RPH3AL: variants seen among roughly 807,000 people sequenced by gnomAD.
RPH3AL encodes rab effector Noc2.
RPH3AL carries 38 observed loss-of-function variants against 43.1 expected under a neutral mutation model. That is an observed-to-expected ratio of 0.88 (90% CI 0.68 to 1.15). The LOEUF (loss-of-function observed/expected upper bound fraction) is 1.15. Ranked by LOEUF, RPH3AL falls within the 50% of genes most tolerant of loss-of-function variation. RPH3AL has a pLI of 0.00. For missense variants in RPH3AL, 462 were observed against 423.2 expected (o/e 1.09, Z -0.81); for synonymous variants, 189 against 176.3 (o/e 1.07, Z -0.57).
chr17:228,126 G>C (rs936481349), intron 7 of RPH3AL, among the ~76,000 whole-genome samples: 1 of 152,198 alleles, frequency 6.6e-6, no homozygotes, highest in Non-Finnish European at 1.5e-5. Flanking sequence ...CCTGGGGTGG[G>C]GGAGTCACCG....
chr17:280,694 T>C (rs1237397306), intron 6 of RPH3AL, among the ~76,000 whole-genome samples: 1 of 152,116 alleles, frequency 6.6e-6, no homozygotes, highest in Non-Finnish European at 1.5e-5. Context: ...AAGGAAAGAC[T>C]TAGTGACTTG....
chr17:229,880 G>A (rs1452144355), intron 7 of RPH3AL, among the ~76,000 whole-genome samples: 1 of 152,188 alleles, frequency 6.6e-6, no homozygotes, highest in East Asian at 1.9e-4. Context: ...CTTAGGGAGG[G>A]GTCCACTGGC....
chr17:293,705 A>C (rs7502760), intron 5 of RPH3AL, among the ~76,000 whole-genome samples: 53,866 of 152,042 alleles, frequency 0.35, 10,772 homozygotes, highest in African/African-American at 0.55. Context: ...GGGATGGCTA[A>C]ATCAGAAGGT....
chr17:282,028 G>C (rs1314133210), intron 5 of RPH3AL, among the ~76,000 whole-genome samples, 174 bp from the exon 6 acceptor site: 1 of 152,138 alleles, frequency 6.6e-6, no homozygotes, highest in East Asian at 1.9e-4. Flanking sequence ...TCCTTAGTTG[G>C]CTTTGGACGT....
At chr17:324,544 C>A (rs1004838316) in intron 3 of RPH3AL, among the ~76,000 whole-genome samples, 1 of 152,196 alleles carries the variant, frequency 6.6e-6, no homozygotes, top group Non-Finnish European at 1.5e-5. Context: ...CGTCTCTCAG[C>A]TCACCAGTGG....
chr17:347,556 CCTGGG>C (rs2045262691), intron 1 of RPH3AL, among the ~76,000 whole-genome samples: 1 of 151,774 alleles, frequency 6.6e-6, no homozygotes. Flanking sequence ...CACACTCCAG[CCTGGG>C]TGACAGAGCA....
At chr17:273,088 A>G (rs1222089189) in intron 6 of RPH3AL, among the ~76,000 whole-genome samples, 112 of 133,002 alleles carry the variant, frequency 8.4e-4, no homozygotes, top group African/African-American at 1.4e-3. Context: ...GAGAGACCCC[A>G]GCGAGGGTGA....
chr17:298,291 G>C (rs62053674), intron 5 of RPH3AL, among the ~76,000 whole-genome samples: 23,845 of 152,002 alleles, frequency 0.16, 2,170 homozygotes, highest in Middle Eastern at 0.24. Flanking sequence ...CTCAGGGGTA[G>C]AGCACCGGCC....
chr17:317,100 C>A (rs1567515376), intron 5 of RPH3AL, among the ~76,000 whole-genome samples: 1 of 150,388 alleles, frequency 6.6e-6, no homozygotes, highest in Non-Finnish European at 1.5e-5. Flanking sequence ...CTCCAGTGAC[C>A]TGTAGTCCCT....
chr17:245,952 G>A lies in RPH3AL; in HGVS notation c.613+1159C>T, dbSNP rs1049432044. ...GTACGCAGCATCCGGTAGGACCAGCGAGGAGAGGCTGCTATGAGGGAGTCG... is the reference window on the plus strand; with the variant it reads ...GTACGCAGCATCCGGTAGGACCAGCAAGGAGAGGCTGCTATGAGGGAGTCG... On this transcript the variant is annotated intron_variant, in intron 7 of 9. Transcript: ENST00000331302. The surrounding 1 kb of genome is among the most constrained non-coding windows in gnomAD (Gnocchi z 5.9). 1.3e-5 allele frequency among the ~76,000 whole-genome samples: 2 copies of A among 152,190 alleles called. No homozygotes were observed. Among genetic ancestry groups the A allele is most frequent in the Admixed American group, 6.5e-5 (1 of 15,286 alleles).
intron 7 of RPH3AL, among the ~76,000 whole-genome samples, chr17:222,714 C>T (rs1211325981): frequency 6.6e-6 from 1 of 152,212 alleles, no homozygotes; most frequent in African/African-American, 2.4e-5. Context: ...GTATAAACTG[C>T]ACCCGTATTG....
At chr17:317,054 C>A (rs1306749173) in intron 5 of RPH3AL, among the ~76,000 whole-genome samples, 1 of 134,884 alleles carries the variant, frequency 7.4e-6, no homozygotes, top group Admixed American at 7.4e-5. Context: ...AGTCTCTGTG[C>A]CCCACCTCCA....
chr17:286,987 TCACACCCTCTCTCCAC>T (rs2042934846), intron 5 of RPH3AL, among the ~76,000 whole-genome samples: 2 of 67,490 alleles, frequency 3.0e-5, no homozygotes, highest in Non-Finnish European at 5.6e-5. Flanking sequence ...CCGTCAGACC[TCACACCCTCTCTCCAC>T]CGTCAGACCT....
Position 333,589 on chromosome 17 carries a change from A to G in RPH3AL, c.-37+170T>C, listed in dbSNP as rs2044860600. 3.8e-6 allele frequency: 1 copy of G among 264,462 alleles called. No homozygotes were observed. Among genetic ancestry groups the G allele is most frequent in the Admixed American group, 4.6e-5 (1 of 21,892 alleles). The allele number at this position is 264,462 out of a possible 1,614,324, so 16.4% of individuals were successfully genotyped here. On this transcript the variant is annotated intron_variant, in intron 2 of 9. Coordinates refer to ENST00000331302, the MANE Select transcript of RPH3AL (RefSeq NM_006987.4). The surrounding 1 kb of genome is among the most constrained non-coding windows in gnomAD (Gnocchi z 4.5). ...ACTATAACTTAGTATTCTGAATACA[A>G]TACGTTTTACCATCTTCCTGTTTGG...
intron 5 of RPH3AL, among the ~76,000 whole-genome samples, chr17:298,902 G>T (rs1007484718): frequency 2.6e-5 from 4 of 152,222 alleles, no homozygotes; most frequent in South Asian, 4.2e-4. Context: ...GGGGCCGGGG[G>T]AGCCAGGCCT....
intron 6 of RPH3AL, 66 bp from the exon 7 acceptor site, chr17:247,351 C>G (rs2041793047): frequency 2.1e-6 from 3 of 1,456,362 alleles, no homozygotes; most frequent in Admixed American, 2.6e-5. Flanking sequence ...TGCTCCTTGC[C>G]CAGATGACGG....
At chr17:336,657 C>T (rs1473906197) in intron 1 of RPH3AL, among the ~76,000 whole-genome samples, 2 of 152,120 alleles carry the variant, frequency 1.3e-5, no homozygotes, top group East Asian at 1.9e-4. Flanking sequence ...CCGTGTGATT[C>T]CCCTGCTCAG....
At chr17:335,180 G>C (rs75880083) in intron 1 of RPH3AL, among the ~76,000 whole-genome samples, 1 of 152,180 alleles carries the variant, frequency 6.6e-6, no homozygotes, top group Admixed American at 6.5e-5. Flanking sequence ...ACCCCCGAGC[G>C]ACTGTGACAA....
intron 2 of RPH3AL, chr17:331,984 T>C: frequency 1.2e-6 from 1 of 849,686 alleles, no homozygotes; most frequent in Non-Finnish European, 1.7e-6. Flanking sequence ...GAGGATGGAA[T>C]TGGCCTGGGG....
Sources: allele counts gnomAD v4.1 joint callset (sites outside exome capture counted in the v4.1 genomes callset), GRCh38; gene constraint gnomAD v4.1.1; non-coding constraint Gnocchi (gnomAD v3.1); transcripts MANE v1.5; gene names NCBI Gene and HGNC (gene_info 2026-07-23, HGNC 2026-07-21).